The following ADARB1 variants were observed in gnomAD, a reference collection of about 807,000 sequenced individuals.
The protein encoded by ADARB1 is adenosine deaminase RNA specific B1.
In ADARB1, 10 loss-of-function variants were observed where a neutral mutation model predicts 52.4. The observed-to-expected ratio is 0.19, with a 90% CI of 0.12 to 0.32. The LOEUF (loss-of-function observed/expected upper bound fraction) is 0.32. Among genes scored for constraint, ADARB1 ranks in the 10% least tolerant of loss-of-function variants. ADARB1 has a pLI of 1.00. For missense variants in ADARB1, 643 were observed against 922.3 expected (o/e 0.70, Z 3.92); for synonymous variants, 349 against 371.1 (o/e 0.94, Z 0.68).
At chr21:45,154,615 C>T (rs2090463063) in intron 2 of ADARB1, among the ~76,000 whole-genome samples, 2 of 152,182 alleles carry the variant, frequency 1.3e-5, no homozygotes, top group Non-Finnish European at 2.9e-5. Flanking sequence ...AATATAATTT[C>T]AGTGATTTTT....
rs1462976518 is a variant in ADARB1, at chr21:45,183,366, A to G, written c.1252A>G (p.Lys418Glu). The G allele has an allele frequency of 6.3e-7, 1 of 1,597,808 alleles. No homozygotes were observed. Among genetic ancestry groups the G allele is most frequent in the African/African-American group, 1.4e-5 (1 of 73,770 alleles). The change falls in exon 7 of 11, where the codon AAA becomes GAA. Residue 418 changes from lysine (K) to glutamate (E), a missense_variant. Physicochemically the swap from Lys to Glu is moderately conservative, Grantham distance 56 (BLOSUM62 1). This residue lies in a region of ADARB1 where 263 missense variants were observed against 475.8 expected (regional missense o/e 0.55). Transcript: ENST00000348831. The stretch of plus-strand genomic sequence containing the variant: ...TTGCAACTTTTTTCCTTTCAGTAAC[A>G]AAGATGATCAAAAAAGATCCATCTT... Reference protein sequence around the residue: ...YTQLELYLNNKDDQKRSIFQK... With the variant: ...YTQLELYLNNEDDQKRSIFQK...
At chr21:45,165,026 A>C (rs992237850) in intron 2 of ADARB1, among the ~76,000 whole-genome samples, 1 of 152,168 alleles carries the variant, frequency 6.6e-6, no homozygotes, top group Non-Finnish European at 1.5e-5. Context: ...GCCTTTGTCA[A>C]AGCTGAAAAC....
At chr21:45,218,194 A>G (rs550858512) in intron 9 of ADARB1, among the ~76,000 whole-genome samples, 119 of 152,138 alleles carry the variant, frequency 7.8e-4, no homozygotes, top group African/African-American at 2.8e-3. Context: ...CACATATTTC[A>G]CCCTACCTAA....
intron 1 of ADARB1, among the ~76,000 whole-genome samples, chr21:45,082,005 G>C (rs573907014): frequency 3.1e-4 from 47 of 152,332 alleles, no homozygotes; most frequent in African/African-American, 1.1e-3. Flanking sequence ...GGCAGAACTG[G>C]AGAAAAGAGA....
rs1054871327 is a variant in ADARB1 at position 45,220,022 on chromosome 21, C to G, written c.1748-814C>G. 1.1e-5 allele frequency among the ~76,000 whole-genome samples: 1 copy of G among 91,816 alleles called. No individual in the cohort carries two copies. Among genetic ancestry groups the G allele is most frequent in the South Asian group, 3.4e-4 (1 of 2,974 alleles). The allele number at this position is 91,816 out of a possible 152,430, so 60.2% of individuals were successfully genotyped here. On this transcript the variant is annotated intron_variant, in intron 9 of 10. Coordinates refer to ENST00000348831, the MANE Select transcript of ADARB1 (RefSeq NM_001112.4). This position sits in a 1 kb window ranked among gnomAD's most constrained non-coding sequence, Gnocchi z 6.3. ...TTTTTTTTTTTGGATTATGCATTTTCTTCAGGATTGTCTTTGTAAAAGCTA... is the reference window on the plus strand; with the variant it reads ...TTTTTTTTTTTGGATTATGCATTTTGTTCAGGATTGTCTTTGTAAAAGCTA...
At chr21:45,134,650 A>T (rs929063488) in intron 2 of ADARB1, 2 of 441,470 alleles carry the variant, frequency 4.5e-6, no homozygotes, top group African/African-American at 4.1e-5. Flanking sequence ...CCTATGGACA[A>T]GGCAGTACAG....
intron 1 of ADARB1, 26 bp downstream of exon 1, chr21:45,074,819 G>A: frequency 6.8e-6 from 1 of 147,956 alleles, no homozygotes; most frequent in Non-Finnish European, 1.5e-5. Flanking sequence ...GGCCGCGGCG[G>A]CTCGGGCGGG....
rs961932704 is a variant in ADARB1, at chr21:45,216,682, T to G, written c.1748-4154T>G. ...ACTTGAAAGAATGTGAATCTGCCAC[T>G]TTGGGGTAGAGTGATCTGTAAATGT... On this transcript the variant is annotated intron_variant, in intron 9 of 10. Transcript: ENST00000348831. Among the ~76,000 whole-genome samples, 7 of 152,220 alleles carry G rather than the reference T, an allele frequency of 4.6e-5. No homozygotes were observed. The South Asian group carries it at 1.2e-3, about 27-fold the overall frequency.
At chr21:45,097,678 C>G (rs2086824885) in intron 1 of ADARB1, among the ~76,000 whole-genome samples, 1 of 152,084 alleles carries the variant, frequency 6.6e-6, no homozygotes, top group Admixed American at 6.5e-5. Flanking sequence ...GACTGGACAG[C>G]TGGGAGGGAG....
At chr21:45,098,693 G>A (rs73230670) in intron 1 of ADARB1, among the ~76,000 whole-genome samples, 4,188 of 152,292 alleles carry the variant, frequency 0.027, 54 homozygotes, top group South Asian at 0.053. Flanking sequence ...TAAAGTGTTC[G>A]TGGCAGTGTG....
At chr21:45,111,429 G>T (rs181587889) in intron 1 of ADARB1, among the ~76,000 whole-genome samples, 1 of 152,044 alleles carries the variant, frequency 6.6e-6, no homozygotes, top group African/African-American at 2.4e-5. Context: ...ATCCGGAGCC[G>T]TGTATTTGTT....
chr21:45,222,852 A>G lies in ADARB1; in HGVS notation c.*655A>G, dbSNP rs529575360. ...ATGGTGTAGCGTGGCCCTGTCATGC[A>G]CATGGGGTCCCGCAGCAGTGACTGT... is the stretch of plus-strand genomic sequence containing the variant. On this transcript the variant is annotated 3_prime_UTR_variant, in exon 11 of 11. Transcript: ENST00000348831. 12 of 985,508 alleles carry G rather than the reference A, an allele frequency of 1.2e-5. No homozygotes were observed. Among genetic ancestry groups the G allele is most frequent in the Middle Eastern group, 1.0e-3 (2 of 1,914 alleles). 61.0% of individuals were successfully genotyped at this position (985,508 alleles called of 1,614,324 possible). A position where few individuals can be genotyped will look rare whatever the true frequency, so the allele number is the denominator to read the frequency against.
intron 2 of ADARB1, among the ~76,000 whole-genome samples, chr21:45,132,903 C>T (rs2089042303): frequency 6.6e-6 from 1 of 152,164 alleles, no homozygotes; most frequent in African/African-American, 2.4e-5. Flanking sequence ...AGAGAAGGGG[C>T]TTCTTTGAGC....
intron 2 of ADARB1, among the ~76,000 whole-genome samples, chr21:45,168,582 C>G (rs1417706701): frequency 6.6e-6 from 1 of 152,146 alleles, no homozygotes; most frequent in Non-Finnish European, 1.5e-5. Flanking sequence ...GCTTTTGCAC[C>G]TTTGTCCAAA....
chr21:45,209,921 C>T (rs1231175031), intron 9 of ADARB1, among the ~76,000 whole-genome samples: 1 of 152,176 alleles, frequency 6.6e-6, no homozygotes, highest in East Asian at 1.9e-4. Flanking sequence ...CAGTGTCTCT[C>T]CTCTCATCTG....
chr21:45,218,035 T>C (rs2092900150), intron 9 of ADARB1, among the ~76,000 whole-genome samples: 1 of 152,222 alleles, frequency 6.6e-6, no homozygotes, highest in Admixed American at 6.5e-5. Flanking sequence ...TATATAGTTT[T>C]ATTCATGTTT....
chr21:45,097,035 A>C (rs1055675688), intron 1 of ADARB1, among the ~76,000 whole-genome samples: 1 of 152,014 alleles, frequency 6.6e-6, no homozygotes, highest in East Asian at 1.9e-4. Context: ...CACTGCGCCC[A>C]GCCTTTCTCC....
chr21:45,216,471 T>C (rs1304062896), intron 9 of ADARB1, among the ~76,000 whole-genome samples: 2 of 152,166 alleles, frequency 1.3e-5, no homozygotes, highest in Non-Finnish European at 2.9e-5. Context: ...TTTTCACTTA[T>C]ATTAAAATAC....
intron 9 of ADARB1, among the ~76,000 whole-genome samples, chr21:45,212,744 T>C (rs943510710): frequency 3.9e-5 from 6 of 152,174 alleles, no homozygotes; most frequent in Non-Finnish European, 8.8e-5. Flanking sequence ...CCATGCCAGC[T>C]ACTTGTATTG....
Sources: gnomAD v4.1 joint callset for allele counts (sites outside exome capture counted in the v4.1 genomes callset) on GRCh38, gnomAD v4.1.1 for gene constraint, gnomAD v4.1.1 regional missense constraint, Gnocchi (gnomAD v3.1) non-coding constraint, MANE v1.5 for transcripts, NCBI Gene and HGNC (gene_info 2026-07-23, HGNC 2026-07-21) for gene names.